ANKRD31: variants seen among roughly 807,000 people sequenced by gnomAD.
ANKRD31 encodes ankyrin repeat domain-containing protein 31.
In ANKRD31, 147 loss-of-function variants were observed where a neutral mutation model predicts 186.0. The ratio of observed to expected loss-of-function variants is 0.79; its 90% CI spans 0.69 to 0.91. The LOEUF is 0.91. ANKRD31 is among the 40% of genes least tolerant of loss of function. The pLI is 0.00. For synonymous variants in ANKRD31, 673 were observed against 736.4 expected, an observed-to-expected ratio of 0.91 and a Z score of 1.39; for missense variants, 1,986 against 2,148.8, an observed-to-expected ratio of 0.92 and a Z score of 1.50.
chr5:75,168,926 T>G, intron 11 of ANKRD31, 53 bp downstream of exon 11: 1 of 1,452,066 alleles, frequency 6.9e-7, no homozygotes, highest in South Asian at 1.4e-5. Flanking sequence ...CCCAGAGATA[T>G]TTAATATTTG....
At chr5:75,210,807 G>A in intron 4 of ANKRD31, 21 bp downstream of exon 4, 1 of 1,473,908 alleles carries the variant, frequency 6.8e-7, no homozygotes, top group Non-Finnish European at 8.9e-7. Context: ...ACATAATGAA[G>A]CCAAAAATTA....
intron 11 of ANKRD31, among the ~76,000 whole-genome samples, chr5:75,156,141 G>A (rs1317654986): frequency 2.0e-5 from 3 of 152,110 alleles, no homozygotes; most frequent in Non-Finnish European, 4.4e-5. Flanking sequence ...CTAACCTCAA[G>A]AGATCCACTC....
chr5:75,077,599 G>A (rs1025607351), intron 25 of ANKRD31, among the ~76,000 whole-genome samples: 3 of 151,792 alleles, frequency 2.0e-5, no homozygotes, highest in Admixed American at 2.0e-4. Flanking sequence ...TGTGTATTTG[G>A]TTGTACAAAA....
intron 1 of ANKRD31, 72 bp from the exon 2 acceptor site, chr5:75,230,707 T>G (rs1316783081): frequency 2.6e-6 from 3 of 1,156,840 alleles, no homozygotes; most frequent in Non-Finnish European, 3.7e-6. Context: ...TTACCCATCA[T>G]TTTTATTATA....
chr5:75,154,256 A>G lies in ANKRD31; in HGVS notation c.1797T>C (p.Cys599=). ...KCALDEAKDL[C]MKRLLERYIP... is the part of the protein sequence containing the mutation. ...TATATCTCTCAAGGAGACGCTTCAT[A>G]CATAAATCCTTGGCCTCATCCAAAG... Residue 599 remains cysteine (C), a synonymous_variant, in exon 12 of 26, where the codon TGT becomes TGC. Coordinates refer to ENST00000506364, the MANE Select transcript of ANKRD31 (RefSeq NM_001372053.1). 2 of 1,535,308 alleles carry G rather than the reference A, an allele frequency of 1.3e-6. No homozygotes were observed. The highest frequency in any genetic ancestry group is 2.7e-5 in the African/African-American group (2 of 73,088).
chr5:75,165,227 C>A (rs755150552), intron 11 of ANKRD31, among the ~76,000 whole-genome samples: 4 of 152,104 alleles, frequency 2.6e-5, no homozygotes, highest in Non-Finnish European at 5.9e-5. Context: ...CTGCTTGTCC[C>A]AAGCATTGCA....
At chr5:75,173,413 G>A (rs1049147329) in intron 10 of ANKRD31, among the ~76,000 whole-genome samples, 4 of 151,924 alleles carry the variant, frequency 2.6e-5, no homozygotes, top group African/African-American at 4.8e-5. Context: ...AAATAAAGAG[G>A]ATTCAATTAG....
chr5:75,097,873 T>C (rs1417087982), intron 22 of ANKRD31, among the ~76,000 whole-genome samples: 1 of 152,230 alleles, frequency 6.6e-6, no homozygotes, highest in Non-Finnish European at 1.5e-5. Context: ...GTTTTCTATA[T>C]ATGGCTAGCC....
rs1314982770 is a variant in ANKRD31 at position 75,104,344 on chromosome 5, T to G, written c.5215A>C (p.Ile1739Leu). ...SSSGSGQQDT[I>L]KKALNYSTAP... is the part of the protein sequence containing the mutation. Reference sequence around the variant, plus strand: ...GTACTGTAGTTTAAAGCCTTTTTTATTGTATCTTGTTGCCCAGATCCAGAG... The same window carrying G: ...GTACTGTAGTTTAAAGCCTTTTTTAGTGTATCTTGTTGCCCAGATCCAGAG... Residue 1739 changes from isoleucine (I) to leucine (L), a missense_variant, in exon 22 of 26, where the codon ATA becomes CTA. Coordinates refer to ENST00000506364, the MANE Select transcript of ANKRD31 (RefSeq NM_001372053.1). The G allele has an allele frequency of 4.6e-6, 7 of 1,537,260 alleles. No individual in the cohort carries two copies.
At chr5:75,220,142 G>A (rs1054317962) in intron 3 of ANKRD31, among the ~76,000 whole-genome samples, 1 of 152,216 alleles carries the variant, frequency 6.6e-6, no homozygotes, top group Non-Finnish European at 1.5e-5. Flanking sequence ...TGACAAATGG[G>A]ACCTAATTAA....
chr5:75,220,559 T>C (rs1757228531), intron 3 of ANKRD31, among the ~76,000 whole-genome samples: 1 of 151,782 alleles, frequency 6.6e-6, no homozygotes, highest in African/African-American at 2.4e-5. Context: ...GGAGAATCAC[T>C]TGAACCTGGG....
At chr5:75,210,903 T>G in intron 3 of ANKRD31, 38 bp from the exon 4 acceptor site, 1 of 1,395,856 alleles carries the variant, frequency 7.2e-7, no homozygotes, top group South Asian at 1.4e-5. Context: ...AACTGATAAG[T>G]GTTAATTCAA....
intron 17 of ANKRD31, 120 bp downstream of exon 17, chr5:75,137,736 G>T: frequency 1.1e-6 from 1 of 896,432 alleles, no homozygotes. Flanking sequence ...ATTTGAAGCA[G>T]GTTTTAAAAA....
At chr5:75,194,471 T>G (rs977918657) in intron 7 of ANKRD31, among the ~76,000 whole-genome samples, 3 of 152,184 alleles carry the variant, frequency 2.0e-5, no homozygotes, top group African/African-American at 7.2e-5. Flanking sequence ...GTTTTGAGAT[T>G]TGTTAAACAG....
At chr5:75,093,931 C>A (rs767642998) in intron 22 of ANKRD31, among the ~76,000 whole-genome samples, 2 of 152,066 alleles carry the variant, frequency 1.3e-5, no homozygotes, top group Non-Finnish European at 2.9e-5. Flanking sequence ...GCCAATGACC[C>A]TATAGGCTAA....
Position 75,193,406 on chromosome 5 carries a change from G to A in ANKRD31, c.1203C>T (p.Tyr401=). The A allele has an allele frequency of 6.5e-7, 1 of 1,537,142 alleles. No individual in the cohort carries two copies. Among genetic ancestry groups the A allele is most frequent in the Non-Finnish European group, 8.7e-7 (1 of 1,146,748 alleles). Residue 401 remains tyrosine, a synonymous_variant, in exon 8 of 26, where the codon TAC becomes TAT. Transcript: ENST00000506364. Reference sequence around the variant, plus strand: ...CTGGCATCTTATACATGTGATCTGAGTACTTTGCATCTCTGCTTACTTTCA... The same window carrying A: ...CTGGCATCTTATACATGTGATCTGAATACTTTGCATCTCTGCTTACTTTCA... ...EKLKVSRDAK[Y]SDHMYKMPEK...
intron 3 of ANKRD31, among the ~76,000 whole-genome samples, chr5:75,215,796 T>C (rs1756925259): frequency 6.6e-6 from 1 of 152,016 alleles, no homozygotes; most frequent in South Asian, 2.1e-4. Context: ...TACTTAGAAA[T>C]CTAATTCCAG....
intron 22 of ANKRD31, among the ~76,000 whole-genome samples, chr5:75,101,804 G>T (rs1746910971): frequency 6.6e-6 from 1 of 152,110 alleles, no homozygotes; most frequent in South Asian, 2.1e-4. Flanking sequence ...TCTCCACACT[G>T]TTTATTCTAG....
intron 25 of ANKRD31, among the ~76,000 whole-genome samples, chr5:75,072,048 A>G (rs921436773): frequency 1.3e-5 from 2 of 152,188 alleles, no homozygotes; most frequent in African/African-American, 4.8e-5. Flanking sequence ...TTTCAATGTA[A>G]AGTTTCCTAC....
Sources: allele counts gnomAD v4.1 joint callset (sites outside exome capture counted in the v4.1 genomes callset), GRCh38; gene constraint gnomAD v4.1.1; transcripts MANE v1.5; gene names NCBI Gene and HGNC (gene_info 2026-07-23, HGNC 2026-07-21).